C12orf56: variants seen among roughly 807,000 people sequenced by gnomAD.
C12orf56 encodes chromosome 12 open reading frame 56.
In C12orf56, 71 loss-of-function variants were observed where a neutral mutation model predicts 69.9. That is an observed-to-expected ratio of 1.02 (90% CI 0.84 to 1.24). The LOEUF (loss-of-function observed/expected upper bound fraction) is 1.24. C12orf56 is among the 50% of genes most tolerant of loss of function. C12orf56 has a pLI of 0.00. For missense variants in C12orf56, 732 were observed against 738.5 expected (o/e 0.99, Z 0.10); for synonymous variants, 276 against 274.1 (o/e 1.01, Z -0.07).
intron 1 of C12orf56, among the ~76,000 whole-genome samples, chr12:64,384,957 G>A (rs2039768547): frequency 6.6e-6 from 1 of 151,818 alleles, no homozygotes. Context: ...GAGAGGCTGA[G>A]GCAAGAGAAT....
chr12:64,325,189 C>T (rs1296977318), intron 3 of C12orf56, among the ~76,000 whole-genome samples: 1 of 152,052 alleles, frequency 6.6e-6, no homozygotes. Flanking sequence ...CCTCACATTG[C>T]CCAGTCAGCA....
At chr12:64,270,406 G>A (rs888297255) in intron 12 of C12orf56, 130 bp downstream of exon 12, 18 of 880,532 alleles carry the variant, frequency 2.0e-5, no homozygotes, top group Non-Finnish European at 2.8e-5. Flanking sequence ...ATCTCAAAAA[G>A]AACAAACAAA....
chr12:64,360,947 TGTG>T (rs1377342661), intron 1 of C12orf56, among the ~76,000 whole-genome samples: 1 of 152,042 alleles, frequency 6.6e-6, no homozygotes, highest in Admixed American at 6.6e-5. Flanking sequence ...TTGGGACAGA[TGTG>T]GTGTCATGCC....
chr12:64,276,251 C>T (rs1244493372), intron 9 of C12orf56, among the ~76,000 whole-genome samples: 1 of 152,152 alleles, frequency 6.6e-6, no homozygotes, highest in Non-Finnish European at 1.5e-5. Flanking sequence ...GACCTGCCCT[C>T]ATGGAACATA....
At chr12:64,302,962 CCT>C (rs2038465503) in intron 6 of C12orf56, among the ~76,000 whole-genome samples, 1 of 151,892 alleles carries the variant, frequency 6.6e-6, no homozygotes, top group African/African-American at 2.4e-5. Flanking sequence ...AGAGTGAGAC[CCT>C]GTGTCTATTT....
intron 1 of C12orf56, among the ~76,000 whole-genome samples, chr12:64,379,051 C>CA (rs59633826): frequency 0.016 from 2,004 of 121,486 alleles, 16 homozygotes; most frequent in African/African-American, 0.02. Context: ...AACCCTGTCT[C>CA]AAAAAAAAAA....
At chr12:64,364,090 A>C (rs1423566298) in intron 1 of C12orf56, among the ~76,000 whole-genome samples, 1 of 151,782 alleles carries the variant, frequency 6.6e-6, no homozygotes, top group African/African-American at 2.4e-5. Context: ...ATGTGGGCAG[A>C]TCACTTGAAC....
intron 9 of C12orf56, among the ~76,000 whole-genome samples, chr12:64,276,001 A>C (rs898006239): frequency 1.5e-3 from 218 of 144,998 alleles, no homozygotes; most frequent in Middle Eastern, 0.014. Flanking sequence ...AGAAATACAC[A>C]CCCCCCCCCG....
At chr12:64,273,297 CAAAAAAAAAAAAA>C (rs201066197) in intron 11 of C12orf56, among the ~76,000 whole-genome samples, 105,707 of 140,182 alleles carry the variant, frequency 0.75, 38,618 homozygotes, top group Non-Finnish European at 0.82. Flanking sequence ...GACTCTGTCT[CAAAAAAAAAAAAA>C]AAAAAAAAAG....
At chr12:64,312,779 T>C in intron 4 of C12orf56, 27 bp from the exon 5 acceptor site, 1 of 1,479,610 alleles carries the variant, frequency 6.8e-7, no homozygotes, top group South Asian at 1.2e-5. Context: ...TAGAAATTGT[T>C]AGAATTTTTA....
At chr12:64,347,985 G>T (rs1277970652) in intron 2 of C12orf56, among the ~76,000 whole-genome samples, 1 of 152,100 alleles carries the variant, frequency 6.6e-6, no homozygotes, top group Non-Finnish European at 1.5e-5. Context: ...AAATTCAAAA[G>T]GCTATTACAT....
At chr12:64,342,304 C>T (rs549661246) in intron 2 of C12orf56, among the ~76,000 whole-genome samples, 10 of 152,332 alleles carry the variant, frequency 6.6e-5, no homozygotes, top group African/African-American at 1.4e-4. Context: ...GTGCACTGCT[C>T]GAAGTTCTGC....
At chr12:64,352,677 T>A (rs925702923) in intron 2 of C12orf56, among the ~76,000 whole-genome samples, 6 of 152,176 alleles carry the variant, frequency 3.9e-5, no homozygotes, top group African/African-American at 1.4e-4. Flanking sequence ...TGAGAGCCAG[T>A]TGGCCAGACC....
chr12:64,297,291 A>G (rs1366137324), intron 6 of C12orf56, among the ~76,000 whole-genome samples: 2 of 152,250 alleles, frequency 1.3e-5, no homozygotes. Flanking sequence ...ACAGAAGAAC[A>G]TAAGGCTACT....
At chr12:64,387,918 G>C (rs1175071377) in intron 1 of C12orf56, among the ~76,000 whole-genome samples, 9 of 152,168 alleles carry the variant, frequency 5.9e-5, no homozygotes. Context: ...CATTACTTTT[G>C]TGTCAAAACA....
chr12:64,376,143 C>A (rs546993698), intron 1 of C12orf56, among the ~76,000 whole-genome samples: 1 of 152,332 alleles, frequency 6.6e-6, no homozygotes, highest in South Asian at 2.1e-4. Flanking sequence ...TGTCCGACTG[C>A]GCATCACACA....
chr12:64,320,700 A>T (rs1455552798), intron 3 of C12orf56, among the ~76,000 whole-genome samples: 1 of 152,202 alleles, frequency 6.6e-6, no homozygotes, highest in Non-Finnish European at 1.5e-5. Flanking sequence ...CTTAATGGTT[A>T]TGTGACCTTT....
At position 64,285,950 on chromosome 12, in the gene C12orf56, T is replaced by C; in HGVS notation, c.1220+4A>G. The C allele has an allele frequency of 6.4e-7, 1 of 1,571,092 alleles. No homozygotes were observed. The highest frequency in any genetic ancestry group is 8.7e-7 in the Non-Finnish European group (1 of 1,149,900). On this transcript the variant is annotated splice_donor_region_variant and intron_variant, in intron 7 of 12. Transcript: ENST00000543942. Reference sequence around the variant, plus strand: ...AAATCGATGATTATCTAGTTAGTACTTACACCAGCTCATCAACCCTTTGGC... The same window carrying C: ...AAATCGATGATTATCTAGTTAGTACCTACACCAGCTCATCAACCCTTTGGC...
intron 1 of C12orf56, chr12:64,355,729 A>G (rs1015409273): frequency 6.6e-6 from 1 of 152,218 alleles, no homozygotes; most frequent in African/African-American, 2.4e-5. Flanking sequence ...TTTTAAGTGT[A>G]TATACATATA....
Sources: gnomAD v4.1 joint callset for allele counts (sites outside exome capture counted in the v4.1 genomes callset) on GRCh38, gnomAD v4.1.1 for gene constraint, MANE v1.5 for transcripts, NCBI Gene and HGNC (gene_info 2026-07-23, HGNC 2026-07-21) for gene names.